The following CD86 variants were observed in gnomAD, a reference collection of about 807,000 sequenced individuals.
CD86 encodes the protein T-lymphocyte activation antigen CD86.
A neutral mutation model predicts 32.1 loss-of-function variants in CD86; 11 were observed. That is an observed-to-expected ratio of 0.34 (90% CI 0.22 to 0.57). CD86 has a LOEUF of 0.57. Among genes scored for constraint, CD86 ranks in the 20% least tolerant of loss-of-function variants. The pLI is 0.86. For missense variants in CD86, 359 were observed against 398.4 expected (o/e 0.90, Z 0.84); for synonymous variants, 137 against 135.3 (o/e 1.01, Z -0.09).
rs545205104 is a variant in CD86, at chr3:122,080,047, T to G, written c.15-11554T>G. On this transcript the variant is annotated intron_variant, in intron 1 of 6. Coordinates refer to ENST00000330540, the MANE Select transcript of CD86 (RefSeq NM_175862.5). The stretch of plus-strand genomic sequence containing the variant: ...GGAATTCCAAGCAGCAGGGTAGGAC[T>G]GGTGCACAGTATGGGGAGAGAAGGC... 2.0e-5 allele frequency among the ~76,000 whole-genome samples: 3 copies of G among 152,272 alleles called. No homozygotes were observed. In the South Asian group the frequency reaches 6.2e-4, roughly 32 times the overall value.
intron 2 of CD86, among the ~76,000 whole-genome samples, chr3:122,094,007 G>C (rs1039087387): frequency 8.5e-5 from 13 of 152,302 alleles, no homozygotes; most frequent in African/African-American, 2.4e-4. Context: ...CAGCTTTGGT[G>C]GATAATATAG....
chr3:122,080,194 C>A (rs1164575518), intron 1 of CD86, among the ~76,000 whole-genome samples: 1 of 152,102 alleles, frequency 6.6e-6, no homozygotes, highest in African/African-American at 2.4e-5. Flanking sequence ...TTAGTGAGTT[C>A]TATGAGCCTC....
intron 1 of CD86, among the ~76,000 whole-genome samples, chr3:122,073,616 C>T (rs1246041927): frequency 2.0e-5 from 3 of 152,092 alleles, no homozygotes; most frequent in Admixed American, 2.0e-4. Flanking sequence ...ACTATGGACC[C>T]AGCAGGGTTT....
chr3:122,090,627 T>C (rs989124385), intron 1 of CD86, among the ~76,000 whole-genome samples: 7 of 152,188 alleles, frequency 4.6e-5, no homozygotes, highest in Admixed American at 6.5e-5. Context: ...TTCCTGTGTA[T>C]GGCCATACCA....
At position 122,095,644 on chromosome 3, in the gene CD86, T is replaced by C. The variant is rs1182711668; in HGVS notation, c.64+3994T>C. On this transcript the variant is annotated intron_variant, in intron 2 of 6. Coordinates refer to ENST00000330540, the MANE Select transcript of CD86 (RefSeq NM_175862.5). ...CCTCATTAAAACCATCACCTGGAGG[T>C]GAATAGACAGTCGAGACCTATCATT... Among the ~76,000 whole-genome samples, 2 of 152,154 alleles carry C rather than the reference T, an allele frequency of 1.3e-5. 1 individual carries two copies. Among genetic ancestry groups the C allele is most frequent in the South Asian group, 4.1e-4 (2 of 4,830 alleles).
rs1044614217 is a variant in CD86, at chr3:122,109,261, G to A, written c.704-4G>A. ...GCTGATTGAAAATTTGTGGTCATTT[G>A]TAGAGCTTGAGGACCCTCAGCCTCC... On this transcript the variant is annotated splice_polypyrimidine_tract_variant and splice_region_variant and intron_variant, in intron 4 of 6. Transcript: ENST00000330540. 5 of 1,611,202 alleles carry A rather than the reference G, an allele frequency of 3.1e-6. No individual in the cohort carries two copies. The highest frequency in any genetic ancestry group is 2.2e-5 in the South Asian group (2 of 90,458).
intron 2 of CD86, among the ~76,000 whole-genome samples, chr3:122,101,513 AATATATATATAT>A (rs58001956): frequency 2.2e-5 from 1 of 46,334 alleles, no homozygotes. Context: ...AAAAAAAAAA[AATATATATATAT>A]ATATATATAT....
At chr3:122,071,878 C>A (rs895731471) in intron 1 of CD86, among the ~76,000 whole-genome samples, 1 of 104,170 alleles carries the variant, frequency 9.6e-6, no homozygotes, top group East Asian at 3.7e-4. Context: ...ATCCCTCCCC[C>A]CTCCCCCCAC....
intron 1 of CD86, among the ~76,000 whole-genome samples, chr3:122,069,757 C>T (rs576165614): frequency 9.2e-5 from 14 of 152,040 alleles, no homozygotes; most frequent in Non-Finnish European, 2.1e-4. Context: ...TAGGCATGCC[C>T]CAGAACACCG....
At chr3:122,067,296 G>A (rs556339697) in intron 1 of CD86, among the ~76,000 whole-genome samples, 1 of 152,292 alleles carries the variant, frequency 6.6e-6, no homozygotes, top group African/African-American at 2.4e-5. Context: ...TGTTTTCCAT[G>A]AAAGATAATG....
intron 1 of CD86, chr3:122,078,041 G>T: frequency 5.1e-6 from 5 of 985,642 alleles, no homozygotes; most frequent in Non-Finnish European, 6.0e-6. Flanking sequence ...AGGCATTTGT[G>T]ACAGGTATGT....
chr3:122,069,521 G>A (rs17281953), intron 1 of CD86, among the ~76,000 whole-genome samples: 6,890 of 152,266 alleles, frequency 0.045, 224 homozygotes, highest in South Asian at 0.11. Context: ...ATACACGACA[G>A]GCAGGTGAGG....
chr3:122,100,943 C>T (rs2072989942), intron 2 of CD86, among the ~76,000 whole-genome samples: 1 of 152,102 alleles, frequency 6.6e-6, no homozygotes, highest in Non-Finnish European at 1.5e-5. Context: ...TTGGTGATCA[C>T]AGACCTTGAG....
rs544512615 is a variant in CD86, at chr3:122,063,705, G to A, written c.14+8202G>A. ...CCTTCACCTCCCGGGTTCAGGACAC[G>A]CCACCACACCCAGCTAATTTTCTTG... On this transcript the variant is annotated intron_variant, in intron 1 of 6. Transcript: ENST00000330540. Among the ~76,000 whole-genome samples, 15 of 151,290 alleles carry A rather than the reference G, an allele frequency of 9.9e-5. No homozygotes were observed. In the East Asian group the frequency reaches 1.2e-3, roughly 12 times the overall value.
At chr3:122,079,728 G>A (rs1253990634) in intron 1 of CD86, among the ~76,000 whole-genome samples, 1 of 152,136 alleles carries the variant, frequency 6.6e-6, no homozygotes, top group African/African-American at 2.4e-5. Context: ...TGGGAAATAG[G>A]CGCCATTTTG....
At position 122,061,970 on chromosome 3, in the gene CD86, CTG is replaced by C. The variant is rs544192703; in HGVS notation, c.14+6474_14+6475del. Among the ~76,000 whole-genome samples, 289 of 152,142 alleles carry C rather than the reference CTG, an allele frequency of 1.9e-3. 2 individuals carry two copies. The highest frequency in any genetic ancestry group is 3.4e-3 in the Middle Eastern group (1 of 294). ...CTCAGTGGGTGAATCGTAACACAAA[CTG>C]TGTGTGCAAGATGTTACCACTGAAG... On this transcript the variant is annotated intron_variant, in intron 1 of 6. Transcript: ENST00000330540.
chr3:122,091,725 C>G, intron 2 of CD86, 75 bp downstream of exon 2: 1 of 1,225,794 alleles, frequency 8.2e-7, no homozygotes, highest in South Asian at 1.2e-5. Context: ...CAAGCCCAGG[C>G]CTGAGACTTG....
intron 6 of CD86, 104 bp from the exon 7 acceptor site, chr3:122,119,334 T>C (rs897463917): frequency 1.4e-6 from 1 of 723,222 alleles, no homozygotes; most frequent in African/African-American, 1.8e-5. Context: ...TTCTCCTCAT[T>C]GCTGTTCCAA....
intron 1 of CD86, among the ~76,000 whole-genome samples, chr3:122,072,563 T>G (rs914003424): frequency 2.0e-5 from 3 of 152,234 alleles, no homozygotes; most frequent in Admixed American, 2.0e-4. Context: ...CCTTGCCCAC[T>G]TTTTGATGGG....
Sources: allele counts gnomAD v4.1 joint callset (sites outside exome capture counted in the v4.1 genomes callset), GRCh38; gene constraint gnomAD v4.1.1; transcripts MANE v1.5; gene names NCBI Gene and HGNC (gene_info 2026-07-23, HGNC 2026-07-21).